ORC1: variants seen among roughly 807,000 people sequenced by gnomAD.
ORC1 encodes the protein origin recognition complex subunit 1.
A neutral mutation model predicts 98.9 loss-of-function variants in ORC1; 61 were observed. That is an observed-to-expected ratio of 0.62 (90% CI 0.50 to 0.76). The LOEUF is 0.76. Ranked by LOEUF, ORC1 falls within the 30% of genes least tolerant of loss-of-function variation. ORC1 has a pLI of 0.00. For missense variants in ORC1, 979 were observed against 1,072.2 expected, an observed-to-expected ratio of 0.91 and a Z score of 1.21; for synonymous variants, 385 against 406.9, an observed-to-expected ratio of 0.95 and a Z score of 0.65.
At chr1:52,383,110 C>T (rs371333432) in intron 13 of ORC1, among the ~76,000 whole-genome samples, 1 of 151,574 alleles carries the variant, frequency 6.6e-6, no homozygotes, top group Non-Finnish European at 1.5e-5. Context: ...TGCTTCGTTG[C>T]CAGACTGGAG....
intron 14 of ORC1, among the ~76,000 whole-genome samples, chr1:52,381,247 A>C (rs961488419): frequency 6.6e-6 from 1 of 152,156 alleles, no homozygotes; most frequent in Non-Finnish European, 1.5e-5. Context: ...CAATGACCCT[A>C]TGAGGGAAGT....
At chr1:52,402,093 G>T in intron 2 of ORC1, 36 bp downstream of exon 2, 1 of 1,456,504 alleles carries the variant, frequency 6.9e-7, no homozygotes, top group Non-Finnish European at 9.6e-7. Flanking sequence ...TTGAGAAGCT[G>T]TATTTCCAGG....
At chr1:52,386,954 C>CA (rs569960744) in intron 8 of ORC1, among the ~76,000 whole-genome samples, 170 of 146,664 alleles carry the variant, frequency 1.2e-3, no homozygotes, top group African/African-American at 2.9e-3. Flanking sequence ...GAGCGTGTCT[C>CA]AAAAAAAAAC....
chr1:52,393,747 C>G lies in ORC1; in HGVS notation c.778G>C (p.Gly260Arg), dbSNP rs138474079. ...AAGGCCACTTTCCGTTTTATTCTTCCTGGAGAATCCAAGGAGGCACATGAA... is the reference window on the plus strand; with the variant it reads ...AAGGCCACTTTCCGTTTTATTCTTCGTGGAGAATCCAAGGAGGCACATGAA... ...QTSCASLDSP[G>R]RIKRKVAFSE... The change falls in exon 6 of 17, where the codon GGA (glycine) becomes CGA (arginine). Residue 260 changes from glycine (G) to arginine (R), a missense_variant. Coordinates refer to ENST00000371568, the MANE Select transcript of ORC1 (RefSeq NM_004153.4). The G allele has an allele frequency of 1.2e-6, 2 of 1,614,024 alleles. No individual in the cohort carries two copies. Among genetic ancestry groups the G allele is most frequent in the African/African-American group, 1.3e-5 (1 of 75,034 alleles).
chr1:52,381,575 GCCT>G, intron 14 of ORC1, 64 bp downstream of exon 14: 1 of 1,557,100 alleles, frequency 6.4e-7, no homozygotes, highest in Non-Finnish European at 8.8e-7. Context: ...CCAGCATAGG[GCCT>G]CATACCCAGC....
chr1:52,384,764 C>A, intron 10 of ORC1, 43 bp from the exon 11 acceptor site: 1 of 1,524,288 alleles, frequency 6.6e-7, no homozygotes, highest in Non-Finnish European at 9.0e-7. Context: ...TCTCAGCCAG[C>A]CACTACACGT....
intron 15 of ORC1, 138 bp from the exon 16 acceptor site, chr1:52,375,035 T>C: frequency 1.5e-6 from 1 of 677,346 alleles, no homozygotes; most frequent in Non-Finnish European, 2.7e-6. Context: ...GTGGCAAGGA[T>C]CTCCCTGACC....
intron 14 of ORC1, among the ~76,000 whole-genome samples, chr1:52,378,300 G>A (rs1408136743): frequency 2.0e-5 from 3 of 150,884 alleles, no homozygotes; most frequent in Non-Finnish European, 2.9e-5. Flanking sequence ...AGCTGAGATC[G>A]TGCCACTGCA....
intron 14 of ORC1, among the ~76,000 whole-genome samples, chr1:52,376,370 C>T (rs1000000941): frequency 6.6e-6 from 1 of 152,232 alleles, no homozygotes; most frequent in Admixed American, 6.5e-5. Flanking sequence ...CAAAAATCAG[C>T]CGGGCATGGT....
At position 52,383,929 on chromosome 1, in the gene ORC1, T is replaced by C. The variant is rs1647107271; in HGVS notation, c.1764A>G (p.Thr588=). The C allele has an allele frequency of 6.2e-7, 1 of 1,614,010 alleles. No individual in the cohort carries two copies. Among genetic ancestry groups the C allele is most frequent in the Non-Finnish European group, 8.5e-7 (1 of 1,179,840 alleles). ...QVYVQILQKL[T]GQKATANHAA... is the part of the protein sequence containing the mutation. ...CATGGTTGGCTGTTGCTTTTTGGCC[T>C]GTTAGCTTCTGCATTAGGAGAAACA... The change falls in exon 12 of 17, where the codon ACA becomes ACG. Residue 588 remains threonine (T), a synonymous_variant. Coordinates refer to ENST00000371568, the MANE Select transcript of ORC1 (RefSeq NM_004153.4).
At chr1:52,394,686 T>C (rs1647316731) in intron 5 of ORC1, among the ~76,000 whole-genome samples, 1 of 152,328 alleles carries the variant, frequency 6.6e-6, no homozygotes, top group African/African-American at 2.4e-5. Flanking sequence ...TCTTGCTCTG[T>C]TGCTCAGACT....
chr1:52,381,263 CATT>C (rs1647065629), intron 14 of ORC1, among the ~76,000 whole-genome samples: 1 of 152,160 alleles, frequency 6.6e-6, no homozygotes, highest in Non-Finnish European at 1.5e-5. Flanking sequence ...GAAGTGCTCT[CATT>C]CTTCTTCAGA....
Position 52,375,603 on chromosome 1 carries a change from C to G in ORC1, c.2134-4G>C. The stretch of plus-strand genomic sequence containing the variant: ...CATCTCCAGACAGTGCTGCTACCTA[C>G]AAGAGGGAATATTTTATTCCTGAGG... On this transcript the variant is annotated splice_region_variant and splice_polypyrimidine_tract_variant and intron_variant, in intron 14 of 16. Coordinates refer to ENST00000371568, the MANE Select transcript of ORC1 (RefSeq NM_004153.4). 6.2e-7 allele frequency: 1 copy of G among 1,613,512 alleles called. No individual in the cohort carries two copies. The highest frequency in any genetic ancestry group is 8.5e-7 in the Non-Finnish European group (1 of 1,179,970).
At chr1:52,375,680 A>G in intron 14 of ORC1, 81 bp from the exon 15 acceptor site, 2 of 1,359,160 alleles carry the variant, frequency 1.5e-6, no homozygotes, top group Non-Finnish European at 2.1e-6. Context: ...GGCAATGGAC[A>G]TAAGCGTAAA....
At chr1:52,397,386 C>T (rs1335385850) in intron 4 of ORC1, among the ~76,000 whole-genome samples, 1 of 152,218 alleles carries the variant, frequency 6.6e-6, no homozygotes, top group African/African-American at 2.4e-5. Context: ...CCTCACAATG[C>T]TTTATGCATG....
intron 8 of ORC1, among the ~76,000 whole-genome samples, chr1:52,387,674 G>C (rs1043927868): frequency 1.3e-5 from 2 of 152,070 alleles, no homozygotes; most frequent in Non-Finnish European, 2.9e-5. Context: ...GGCCAGGCTG[G>C]TCTTGAATTC....
In ORC1 at chr1:52,373,197, G is replaced by A. The variant is rs184915457; in HGVS notation, c.2570C>T (p.Ala857Val). The change falls in exon 17 of 17, where the codon GCG becomes GTG. Residue 857 changes from alanine to valine, a missense_variant. Ala to Val is a moderately conservative substitution (Grantham distance 64, BLOSUM62 0). Coordinates refer to ENST00000371568, the MANE Select transcript of ORC1 (RefSeq NM_004153.4). ...LNVSQDDVLYALKDE is the reference protein window; with the variant it reads ...LNVSQDDVLYVLKDE ...GAAGCCCCTTTACTCGTCTTTCAGC[G>A]CATACAGCACATCATCCTGGCTGAC... is the stretch of plus-strand genomic sequence containing the variant. The A allele has an allele frequency of 2.7e-5, 44 of 1,613,922 alleles. No homozygotes were observed. The highest frequency in any genetic ancestry group is 8.3e-5 in the Admixed American group (5 of 60,000).
At position 52,375,600 on chromosome 1, in the gene ORC1, C is replaced by A; in HGVS notation, c.2134-1G>T. ...GTGCATCTCCAGACAGTGCTGCTAC[C>A]TACAAGAGGGAATATTTTATTCCTG... On this transcript the variant is annotated splice_acceptor_variant, in intron 14 of 16. Coordinates refer to ENST00000371568, the MANE Select transcript of ORC1 (RefSeq NM_004153.4). LOFTEE classifies it high-confidence loss of function. 6.2e-7 allele frequency: 1 copy of A among 1,613,614 alleles called. No homozygotes were observed. Among genetic ancestry groups the A allele is most frequent in the Non-Finnish European group, 8.5e-7 (1 of 1,179,990 alleles).
Position 52,385,918 on chromosome 1 carries a change from G to A in ORC1, c.1415C>T (p.Pro472Leu), listed in dbSNP as rs200767829. Residue 472 changes from proline to leucine, a missense_variant, in exon 9 of 17, where the codon CCT (proline) becomes CTT (leucine). Pro to Leu is a moderately conservative substitution (Grantham distance 98, BLOSUM62 -3). Transcript: ENST00000371568. Reference sequence around the variant, plus strand: ...AGCCAGGCTTCGACTACGGATCTGAGGAGCGGCACAACGTGGCGTTCTAGG... The same window carrying A: ...AGCCAGGCTTCGACTACGGATCTGAAGAGCGGCACAACGTGGCGTTCTAGG... The part of the protein sequence containing the change: ...LKPRTPRCAA[P>L]QIRSRSLAAQ... 6.2e-7 allele frequency: 1 copy of A among 1,613,752 alleles called. No individual in the cohort carries two copies. The highest frequency in any genetic ancestry group is 2.2e-5 in the East Asian group (1 of 44,878).
Sources: gnomAD v4.1 joint callset for allele counts (sites outside exome capture counted in the v4.1 genomes callset) on GRCh38, gnomAD v4.1.1 for gene constraint, MANE v1.5 for transcripts, NCBI Gene and HGNC (gene_info 2026-07-23, HGNC 2026-07-21) for gene names.